The following TRPM4 variants were observed in gnomAD, a reference collection of about 807,000 sequenced individuals.
TRPM4 encodes the protein transient receptor potential cation channel subfamily M member 4.
A neutral mutation model predicts 135.6 loss-of-function variants in TRPM4; 124 were observed. The observed-to-expected ratio is 0.91, with a 90% CI of 0.79 to 1.06. The LOEUF (loss-of-function observed/expected upper bound fraction) is 1.06, where lower values mean the gene tolerates loss of function less well. Ranked by LOEUF, TRPM4 falls within the 50% of genes least tolerant of loss-of-function variation. The probability of loss-of-function intolerance (pLI) is 0.00; values close to 1 mark genes in which losing one functional copy is unlikely to be tolerated. For missense variants in TRPM4, 1,658 were observed against 1,671.4 expected (o/e 0.99, Z 0.14); for synonymous variants, 745 against 705.6 (o/e 1.06, Z -0.88).
At chr19:49,196,234 T>G (rs906454436) in intron 16 of TRPM4, among the ~76,000 whole-genome samples, 4 of 152,182 alleles carry the variant, frequency 2.6e-5, no homozygotes, top group Admixed American at 1.3e-4. Flanking sequence ...ACTCCTCGGC[T>G]CAAGCGATCA....
rs750590052 is a variant in TRPM4, at chr19:49,166,117, G to C, written c.169G>C (p.Val57Leu). ...VAMEDAFGAAVVTVWDSDAHT... is the reference protein window; with the variant it reads ...VAMEDAFGAALVTVWDSDAHT... Reference sequence around the variant, plus strand: ...CATGGAGGATGCCTTCGGGGCAGCCGTGGTGACCGTGTGGGACAGCGATGC... The same window carrying C: ...CATGGAGGATGCCTTCGGGGCAGCCCTGGTGACCGTGTGGGACAGCGATGC... Residue 57 changes from valine to leucine, a missense_variant, in exon 3 of 25, where the codon GTG (valine) becomes CTG (leucine). Physicochemically the swap from Val to Leu is conservative, Grantham distance 32. Around this residue, in one of 3 missense-constraint regions of TRPM4, gnomAD observed 239 missense variants for 240.1 expected, o/e 1.00. Transcript: ENST00000252826. 3 of 1,604,146 alleles carry C rather than the reference G, an allele frequency of 1.9e-6. No homozygotes were observed. Among genetic ancestry groups the C allele is most frequent in the Non-Finnish European group, 2.6e-6 (3 of 1,176,436 alleles).
intron 2 of TRPM4, chr19:49,158,507 C>G: frequency 1.8e-6 from 1 of 550,500 alleles, no homozygotes; most frequent in Non-Finnish European, 3.2e-6. Context: ...TTCTTTCCTC[C>G]CCGATGTCTC....
At chr19:49,207,916 A>C (rs538376699) in intron 20 of TRPM4, among the ~76,000 whole-genome samples, 1 of 151,924 alleles carries the variant, frequency 6.6e-6, no homozygotes, top group Non-Finnish European at 1.5e-5. Flanking sequence ...AGTGGCCCCT[A>C]ATGCCTGGCT....
chr19:49,171,438 C>G lies in TRPM4; in HGVS notation c.858+20C>G, dbSNP rs369594025. 6.2e-7 allele frequency: 1 copy of G among 1,613,802 alleles called. No individual in the cohort carries two copies. The stretch of plus-strand genomic sequence containing the variant: ...TTGACGGTATAGGGGCCCGGATGCC[C>G]GGATCTAAGGGGGAAGGAGGGTTGG... On this transcript the variant is annotated intron_variant, in intron 7 of 24. Transcript: ENST00000252826. The surrounding 1 kb of genome is among the most constrained non-coding windows in gnomAD (Gnocchi z 4.7).
intron 6 of TRPM4, among the ~76,000 whole-genome samples, chr19:49,170,728 C>T (rs1600418159): frequency 6.6e-6 from 1 of 152,222 alleles, no homozygotes; most frequent in Admixed American, 6.5e-5. Context: ...CCCCCTCCTC[C>T]CTGGGGAAGT....
chr19:49,210,637 A>C lies in TRPM4; in HGVS notation c.3329-73A>C. The C allele has an allele frequency of 6.2e-7, 1 of 1,609,392 alleles. No individual in the cohort carries two copies. Among genetic ancestry groups the C allele is most frequent in the Non-Finnish European group, 8.5e-7 (1 of 1,177,138 alleles). On this transcript the variant is annotated intron_variant, in intron 21 of 24. Transcript: ENST00000252826. The surrounding 1 kb of genome is among the most constrained non-coding windows in gnomAD (Gnocchi z 4.1). Reference sequence around the variant, plus strand: ...GGTCTGGGATAGCGTGCGTGTTCTGAGGGTGTCGGAAGGGGCAGCTGGGAT... The same window carrying C: ...GGTCTGGGATAGCGTGCGTGTTCTGCGGGTGTCGGAAGGGGCAGCTGGGAT...
intron 19 of TRPM4, 107 bp from the exon 20 acceptor site, chr19:49,201,857 C>T: frequency 2.5e-6 from 3 of 1,185,070 alleles, no homozygotes; most frequent in Non-Finnish European, 3.7e-6. Context: ...ATCTCAGCCT[C>T]CCAAAAGTGC....
At position 49,190,261 on chromosome 19, in the gene TRPM4, GGCCCTGGTTCTC is replaced by G; in HGVS notation, c.2077_2088del (p.Leu693_Ala696del). 1 of 1,614,160 alleles carries G rather than the reference GGCCCTGGTTCTC, an allele frequency of 6.2e-7. No individual in the cohort carries two copies. The highest frequency in any genetic ancestry group is 1.7e-5 in the Admixed American group (1 of 60,012). On this transcript the variant is annotated inframe_deletion, in exon 15 of 25. Coordinates refer to ENST00000252826, the MANE Select transcript of TRPM4 (RefSeq NM_017636.4). ...ATATGGCCAGCACTACACCCATCTGGGCCCTGGTTCTCGCCTTCTTTTGCCCTCCACTCATCT... is the reference window on the plus strand; with the variant it reads ...ATATGGCCAGCACTACACCCATCTGGGCCTTCTTTTGCCCTCCACTCATCT...
At chr19:49,186,873 C>CAA (rs552909059) in intron 12 of TRPM4, among the ~76,000 whole-genome samples, 5 of 113,868 alleles carry the variant, frequency 4.4e-5, no homozygotes, top group East Asian at 4.9e-4. Context: ...AACTCCGTCT[C>CAA]AAAAAAAAAA....
In TRPM4 at chr19:49,200,415, G is replaced by C. The variant is rs377359117; in HGVS notation, c.2761G>C (p.Val921Leu). 6.2e-7 allele frequency: 1 copy of C among 1,605,858 alleles called. No individual in the cohort carries two copies. Among genetic ancestry groups the C allele is most frequent in the Non-Finnish European group, 8.5e-7 (1 of 1,175,092 alleles). Residue 921 changes from valine to leucine, a missense_variant, in exon 18 of 25, where the codon GTC (valine) becomes CTC (leucine). Coordinates refer to ENST00000252826, the MANE Select transcript of TRPM4 (RefSeq NM_017636.4). ...CAACAAACAGCTGGGGCCCAAGATC[G>C]TCATCGTGAGCAAGATGGTGAGGCA... ...TVNKQLGPKI[V>L]IVSKMMKDVF... is the part of the protein sequence containing the mutation.
At position 49,189,083 on chromosome 19, in the gene TRPM4, G is replaced by C. The variant is rs1968312254; in HGVS notation, c.2011G>C (p.Gly671Arg). 1.2e-6 allele frequency: 2 copies of C among 1,614,138 alleles called. No individual in the cohort carries two copies. The change falls in exon 14 of 25, where the codon GGG becomes CGG. Residue 671 changes from glycine to arginine, a missense_variant. Gly to Arg is a moderately radical substitution (Grantham distance 125, BLOSUM62 -2). Coordinates refer to ENST00000252826, the MANE Select transcript of TRPM4 (RefSeq NM_017636.4). The part of the protein sequence containing the change: ...ADARAFFAQD[G>R]VQSLLTQKWW... ...CGCCCGTGCCTTCTTTGCCCAGGAT[G>C]GGGTACAGGTGAGTATCTGCGACAC...
chr19:49,165,910 C>CGTGGACTCTGCCTGCCTCTGTGGGT, intron 2 of TRPM4, 131 bp from the exon 3 acceptor site: 1 of 931,660 alleles, frequency 1.1e-6, no homozygotes, highest in East Asian at 2.7e-5. Context: ...CCAGGGGCAG[C>CGTGGACTCTGCCTGCCTCTGTGGGT]GTGGACTCTG....
chr19:49,179,865 AAGCTGT>A, intron 9 of TRPM4, among the ~76,000 whole-genome samples: 1 of 152,314 alleles, frequency 6.6e-6, no homozygotes, highest in East Asian at 1.9e-4. Flanking sequence ...TACACTGGCC[AAGCTGT>A]AGTGTCGCCA....
Position 49,168,294 on chromosome 19 carries a change from C to G in TRPM4, c.483C>G (p.Gly161=), listed in dbSNP as rs147157308. 6.2e-7 allele frequency: 1 copy of G among 1,614,042 alleles called. No individual in the cohort carries two copies. The highest frequency in any genetic ancestry group is 8.5e-7 in the Non-Finnish European group (1 of 1,180,054). ...TTGTCACTGGGGGTCTGCACACGGGCATCGGCCGGCATGTTGGTGTGGCTG... is the reference window on the plus strand; with the variant it reads ...TTGTCACTGGGGGTCTGCACACGGGGATCGGCCGGCATGTTGGTGTGGCTG... ...AWIVTGGLHT[G]IGRHVGVAVR... is the part of the protein sequence containing the mutation. The change falls in exon 5 of 25, where the codon GGC becomes GGG. Residue 161 remains glycine (G), a synonymous_variant. Coordinates refer to ENST00000252826, the MANE Select transcript of TRPM4 (RefSeq NM_017636.4).
At chr19:49,168,855 TC>T (rs1164701022) in intron 6 of TRPM4, 119 bp downstream of exon 6, 11 of 1,099,824 alleles carry the variant, frequency 1.0e-5, no homozygotes, top group Non-Finnish European at 1.5e-5. Context: ...TAAGTGTCTT[TC>T]CCCGTCATTA....
In TRPM4 at chr19:49,170,569, G is replaced by A. The variant is rs187398979; in HGVS notation, c.797-788G>A. 8.9e-4 allele frequency among the ~76,000 whole-genome samples: 136 copies of A among 152,240 alleles called. No individual in the cohort carries two copies. The Middle Eastern group carries it at 0.014, about 15-fold the overall frequency. On this transcript the variant is annotated intron_variant, in intron 6 of 24. Coordinates refer to ENST00000252826, the MANE Select transcript of TRPM4 (RefSeq NM_017636.4). ...TTGGATTTTGGTAAATATCTATATT[G>A]TGGTTAGATAGCCCTTTCTATTCCC...
chr19:49,209,851 C>T (rs574162888), intron 20 of TRPM4, among the ~76,000 whole-genome samples: 59 of 150,320 alleles, frequency 3.9e-4, no homozygotes, highest in African/African-American at 1.2e-3. Flanking sequence ...TGGGTTCAAG[C>T]GATTCTCCTG....
At position 49,210,219 on chromosome 19, in the gene TRPM4, G is replaced by A. The variant is rs1249072590; in HGVS notation, c.3142G>A (p.Gly1048Ser). The change falls in exon 21 of 25, where the codon GGC becomes AGC. Residue 1048 changes from glycine (G) to serine (S), a missense_variant. This residue lies in a region of TRPM4 where 1,412 missense variants were observed against 1,408.7 expected (regional missense o/e 1.00). Transcript: ENST00000252826. This position sits in a 1 kb window ranked among gnomAD's most constrained non-coding sequence, Gnocchi z 4.1. ...LLIAMFSYTF[G>S]KVQGNSDLYW... Reference sequence around the variant, plus strand: ...CTCTGGCCTTTGCAGTTACACATTCGGCAAAGTACAGGGCAACAGCGATCT... The same window carrying A: ...CTCTGGCCTTTGCAGTTACACATTCAGCAAAGTACAGGGCAACAGCGATCT... The A allele has an allele frequency of 4.3e-6, 7 of 1,614,154 alleles. No homozygotes were observed. Among genetic ancestry groups the A allele is most frequent in the Admixed American group, 1.7e-5 (1 of 60,016 alleles).
At chr19:49,162,687 CTA>C (rs1383177371) in intron 2 of TRPM4, among the ~76,000 whole-genome samples, 1 of 152,172 alleles carries the variant, frequency 6.6e-6, no homozygotes, top group Non-Finnish European at 1.5e-5. Flanking sequence ...TGGAAACGTT[CTA>C]TGTCTACATC....
Sources: allele counts gnomAD v4.1 joint callset (sites outside exome capture counted in the v4.1 genomes callset), GRCh38; gene constraint gnomAD v4.1.1; regional missense constraint gnomAD v4.1.1; non-coding constraint Gnocchi (gnomAD v3.1); transcripts MANE v1.5; gene names NCBI Gene and HGNC (gene_info 2026-07-23, HGNC 2026-07-21).